Variants in SNX31 observed in about 807,000 individuals in gnomAD.
The protein encoded by SNX31 is sorting nexin-31.
Under a neutral mutation model 65.4 loss-of-function variants are expected in SNX31, and 58 were observed. The observed-to-expected ratio is 0.89, with a 90% CI of 0.72 to 1.10. SNX31 has a LOEUF of 1.10. Ranked by LOEUF, SNX31 falls within the 50% of genes least tolerant of loss-of-function variation. The pLI is 0.00. For synonymous variants in SNX31, 181 were observed against 190.1 expected (o/e 0.95, Z 0.39); for missense variants, 523 against 529.7 (o/e 0.99, Z 0.12).
At chr8:100,589,052 C>A (rs941794380) in intron 10 of SNX31, 73 bp from the exon 11 acceptor site, 1 of 1,190,244 alleles carries the variant, frequency 8.4e-7, no homozygotes, top group Non-Finnish European at 1.2e-6. Flanking sequence ...GTGGCTCACA[C>A]CTGAAATCCC....
At chr8:100,623,353 G>A (rs1057362880) in intron 4 of SNX31, among the ~76,000 whole-genome samples, 3 of 152,154 alleles carry the variant, frequency 2.0e-5, no homozygotes, top group African/African-American at 7.2e-5. Context: ...ATCACCTCCC[G>A]CCAGGCTCCA....
rs35911139 is a variant in SNX31, at chr8:100,628,813, GGTGTGTGT to G, written c.321+1506_321+1513del. 4.4e-4 allele frequency among the ~76,000 whole-genome samples: 64 copies of G among 144,086 alleles called. No homozygotes were observed. In the South Asian group the frequency reaches 4.4e-3, roughly 10 times the overall value. 94.5% of individuals were successfully genotyped at this position (144,086 alleles called of 152,430 possible). On this transcript the variant is annotated intron_variant, in intron 4 of 13. Coordinates refer to ENST00000311812, the MANE Select transcript of SNX31 (RefSeq NM_152628.4). ...GTGCGCTTGTTTGTAAAATAAAATG[GGTGTGTGT>G]GTGTGTGTGTGTGTGTGTGTGTGTG...
intron 2 of SNX31, among the ~76,000 whole-genome samples, chr8:100,641,114 T>C (rs1819143277): frequency 6.6e-6 from 1 of 152,158 alleles, no homozygotes; most frequent in East Asian, 1.9e-4. Context: ...AAAAAACTGA[T>C]GTTCTGGCTT....
upstream of SNX31, among the ~76,000 whole-genome samples, chr8:100,651,903 G>A (rs966614477): frequency 1.3e-5 from 2 of 152,230 alleles, no homozygotes; most frequent in African/African-American, 4.8e-5. Context: ...TAGAGCCTGT[G>A]CTCTGTGAAG....
At chr8:100,639,156 A>C (rs149021213) in intron 2 of SNX31, among the ~76,000 whole-genome samples, 1 of 152,258 alleles carries the variant, frequency 6.6e-6, no homozygotes, top group Non-Finnish European at 1.5e-5. Context: ...AGTCAAAATT[A>C]CAACAGAACT....
At chr8:100,653,806 G>A (rs528177523), upstream of SNX31, among the ~76,000 whole-genome samples, 13 of 152,326 alleles carry the variant, frequency 8.5e-5, no homozygotes, top group African/African-American at 2.2e-4. Context: ...GGCCGTGTGC[G>A]CATCTGTGGA....
chr8:100,616,764 C>T (rs958487168), intron 5 of SNX31, among the ~76,000 whole-genome samples: 4 of 152,084 alleles, frequency 2.6e-5, no homozygotes, highest in East Asian at 1.9e-4. Context: ...AAGGCAGGCC[C>T]GAAGAGCTAG....
chr8:100,641,189 TA>T (rs1429479384), intron 2 of SNX31, among the ~76,000 whole-genome samples: 11 of 152,054 alleles, frequency 7.2e-5, no homozygotes, highest in African/African-American at 2.7e-4. Context: ...TGAGGGGACC[TA>T]AACCATTCCC....
In SNX31 at chr8:100,625,702, G is replaced by A. The variant is rs540342485; in HGVS notation, c.321+4625C>T. Among the ~76,000 whole-genome samples the A allele has an allele frequency of 6.6e-6, 1 of 152,140 alleles. No homozygotes were observed. On this transcript the variant is annotated intron_variant, in intron 4 of 13. Transcript: ENST00000311812. This position sits in a 1 kb window ranked among gnomAD's most constrained non-coding sequence, Gnocchi z 4.2. Reference sequence around the variant, plus strand: ...AAAATTGAACCTGGTCAGGAAGGAGGGAATCAGAGGTCTCAAAGTGCTGCA... The same window carrying A: ...AAAATTGAACCTGGTCAGGAAGGAGAGAATCAGAGGTCTCAAAGTGCTGCA...
chr8:100,649,428 T>G, intron 1 of SNX31, 21 bp downstream of exon 1: 2 of 873,420 alleles, frequency 2.3e-6, no homozygotes, highest in South Asian at 1.3e-5. Context: ...CTGCCCACCC[T>G]GACCCCAGCC....
At chr8:100,656,640 CAAAAAAAAAAAA>C in intron 1 of SNX31, among the ~76,000 whole-genome samples, 2 of 44,610 alleles carry the variant, frequency 4.5e-5, no homozygotes, top group East Asian at 1.8e-3. Flanking sequence ...GACTCTGTCT[CAAAAAAAAAAAA>C]AAAAAAAAAA....
chr8:100,597,021 C>T (rs760477166), intron 9 of SNX31, among the ~76,000 whole-genome samples, 179 bp from the exon 10 acceptor site: 1 of 152,162 alleles, frequency 6.6e-6, no homozygotes, highest in Admixed American at 6.5e-5. Flanking sequence ...CTGGTGCTCA[C>T]CAGAAGCCCG....
In SNX31 at chr8:100,622,123, T is replaced by G. The variant is rs780335628; in HGVS notation, c.322-4393A>C. On this transcript the variant is annotated intron_variant, in intron 4 of 13. Coordinates refer to ENST00000311812, the MANE Select transcript of SNX31 (RefSeq NM_152628.4). This position sits in a 1 kb window ranked among gnomAD's most constrained non-coding sequence, Gnocchi z 5.0. Reference sequence around the variant, plus strand: ...TAATCGGAAGTAGTTGAGTTCTACCTTCTCCACTCTAAATGCTTATTTGTA... The same window carrying G: ...TAATCGGAAGTAGTTGAGTTCTACCGTCTCCACTCTAAATGCTTATTTGTA... Among the ~76,000 whole-genome samples, 2 of 152,230 alleles carry G rather than the reference T, an allele frequency of 1.3e-5. No individual in the cohort carries two copies. The highest frequency in any genetic ancestry group is 2.9e-5 in the Non-Finnish European group (2 of 68,040).
At chr8:100,593,324 G>T (rs1238218599) in intron 10 of SNX31, among the ~76,000 whole-genome samples, 1 of 152,172 alleles carries the variant, frequency 6.6e-6, no homozygotes, top group Admixed American at 6.5e-5. Context: ...TTTTGACAAA[G>T]GTATATAAAT....
chr8:100,663,202 C>T (rs1487332832), exon 1 of SNX31: 1 of 152,124 alleles, frequency 6.6e-6, no homozygotes, highest in Non-Finnish European at 1.5e-5. Context: ...GACCTCAGCA[C>T]CATGCAATAT....
At chr8:100,617,131 G>A (rs1817279448) in intron 5 of SNX31, among the ~76,000 whole-genome samples, 1 of 152,120 alleles carries the variant, frequency 6.6e-6, no homozygotes, top group African/African-American at 2.4e-5. Context: ...TACAACTCAT[G>A]TCTGGGCCCT....
At chr8:100,596,489 T>C (rs1415387201) in intron 10 of SNX31, 150 bp downstream of exon 10, 1 of 653,750 alleles carries the variant, frequency 1.5e-6, no homozygotes, top group East Asian at 2.7e-5. Context: ...AGATAGGTTT[T>C]ACCACTAGGT....
chr8:100,600,921 T>A (rs967421798), intron 8 of SNX31, among the ~76,000 whole-genome samples: 1 of 152,114 alleles, frequency 6.6e-6, no homozygotes, highest in African/African-American at 2.4e-5. Context: ...AATGATTGCA[T>A]CATATATATC....
chr8:100,634,991 G>A (rs1302544220), intron 3 of SNX31, among the ~76,000 whole-genome samples: 6 of 151,892 alleles, frequency 4.0e-5, no homozygotes, highest in Non-Finnish European at 7.4e-5. Flanking sequence ...TGACCCCCCA[G>A]GAGACCAAGG....
Sources: gnomAD v4.1 joint callset for allele counts (sites outside exome capture counted in the v4.1 genomes callset) on GRCh38, gnomAD v4.1.1 for gene constraint, Gnocchi (gnomAD v3.1) non-coding constraint, MANE v1.5 for transcripts, NCBI Gene and HGNC (gene_info 2026-07-23, HGNC 2026-07-21) for gene names.